BBOX1: variants seen among roughly 807,000 people sequenced by gnomAD.
The protein encoded by BBOX1 is gamma-butyrobetaine hydroxylase 1.
Under a neutral mutation model 41.6 loss-of-function variants are expected in BBOX1, and 35 were observed. The observed-to-expected ratio is 0.84, with a 90% CI of 0.64 to 1.11. The LOEUF (loss-of-function observed/expected upper bound fraction) is 1.11. Among genes scored for constraint, BBOX1 ranks in the 50% most tolerant of loss-of-function variants. BBOX1 has a pLI of 0.00. For missense variants in BBOX1, 458 were observed against 460.6 expected (o/e 0.99, Z 0.05); for synonymous variants, 163 against 154.7 (o/e 1.05, Z -0.40).
chr11:27,055,724 C>T (rs1856960388), intron 3 of BBOX1, 75 bp downstream of exon 3: 1 of 1,392,830 alleles, frequency 7.2e-7, no homozygotes, highest in Non-Finnish European at 9.9e-7. Flanking sequence ...ATTTAGATAA[C>T]TCTTTTTTAT....
chr11:27,054,231 G>GTGTGTGCATGC (rs1162602172), intron 2 of BBOX1, among the ~76,000 whole-genome samples: 1 of 151,434 alleles, frequency 6.6e-6, no homozygotes, highest in Non-Finnish European at 1.5e-5. Flanking sequence ...GTGTGTGTGT[G>GTGTGTGCATGC]TGTGCGTGCA....
At chr11:27,076,354 G>C (rs1857631420) in intron 4 of BBOX1, among the ~76,000 whole-genome samples, 1 of 152,214 alleles carries the variant, frequency 6.6e-6, no homozygotes, top group South Asian at 2.1e-4. Flanking sequence ...GGCTGAAGAA[G>C]TAATGAACTG....
intron 7 of BBOX1, among the ~76,000 whole-genome samples, chr11:27,123,494 G>A (rs1223680840): frequency 6.6e-6 from 1 of 151,996 alleles, no homozygotes; most frequent in African/African-American, 2.4e-5. Flanking sequence ...AAGTTCCAAA[G>A]TCATGACATC....
intron 2 of BBOX1, among the ~76,000 whole-genome samples, chr11:27,053,779 A>G (rs1445316): frequency 0.21 from 31,360 of 152,132 alleles, 4,151 homozygotes; most frequent in African/African-American, 0.38. Flanking sequence ...GTTTGAAAGT[A>G]CACTATAATT....
intron 5 of BBOX1, among the ~76,000 whole-genome samples, chr11:27,100,044 T>C (rs919399928): frequency 6.6e-6 from 1 of 152,166 alleles, no homozygotes; most frequent in South Asian, 2.1e-4. Context: ...AGCTTTCCAG[T>C]ATCCACTAGA....
intron 2 of BBOX1, among the ~76,000 whole-genome samples, chr11:27,043,253 C>T (rs1030554987): frequency 4.6e-5 from 7 of 151,968 alleles, no homozygotes; most frequent in South Asian, 2.1e-4. Flanking sequence ...TTAGTAGAGA[C>T]GGGGTTTCAC....
intron 4 of BBOX1, among the ~76,000 whole-genome samples, chr11:27,080,812 G>A (rs754664989): frequency 3.3e-5 from 5 of 152,122 alleles, no homozygotes; most frequent in Non-Finnish European, 7.4e-5. Flanking sequence ...ATAGGAACAT[G>A]TAAGTTAGAG....
At chr11:27,107,593 T>C (rs1858914995) in intron 5 of BBOX1, among the ~76,000 whole-genome samples, 1 of 151,890 alleles carries the variant, frequency 6.6e-6, no homozygotes, top group Non-Finnish European at 1.5e-5. Flanking sequence ...TCTGCTTGAG[T>C]TGTTGCCTTA....
chr11:27,115,010 T>A (rs760358789), intron 5 of BBOX1, among the ~76,000 whole-genome samples: 3 of 151,848 alleles, frequency 2.0e-5, no homozygotes, highest in Non-Finnish European at 4.4e-5. Flanking sequence ...GAGGTTTTGA[T>A]CTGGAGTAAT....
intron 4 of BBOX1, among the ~76,000 whole-genome samples, chr11:27,086,979 A>C (rs1858067172): frequency 6.6e-6 from 1 of 152,134 alleles, no homozygotes; most frequent in Admixed American, 6.6e-5. Context: ...TAGAGCCTGA[A>C]GATGTAACTA....
chr11:27,047,855 A>G (rs1564950220), intron 2 of BBOX1, among the ~76,000 whole-genome samples: 2 of 152,088 alleles, frequency 1.3e-5, no homozygotes, highest in South Asian at 4.1e-4. Flanking sequence ...CAATAAATGT[A>G]AACTATTATT....
At chr11:27,106,732 G>C (rs1441908480) in intron 5 of BBOX1, among the ~76,000 whole-genome samples, 4 of 137,592 alleles carry the variant, frequency 2.9e-5, no homozygotes, top group African/African-American at 5.5e-5. Flanking sequence ...CTGCACCAAG[G>C]GGACCTAATA....
Position 27,093,275 on chromosome 11 carries a change from G to A in BBOX1, c.442G>A (p.Gly148Ser), listed in dbSNP as rs1858316843. ...YKWLSTLKKV[G>S]IVRLTGASDK... ...GTGGCTCTCCACCCTCAAGAAAGTA[G>A]GCATAGTAAGACTCACCGGAGCATC... The change falls in exon 5 of 9, where the codon GGC becomes AGC. Residue 148 changes from glycine (G) to serine (S), a missense_variant. By Grantham distance (56) the Gly-to-Ser change is moderately conservative. Transcript: ENST00000263182. The A allele has an allele frequency of 1.4e-5, 23 of 1,612,434 alleles. No individual in the cohort carries two copies. Among genetic ancestry groups the A allele is most frequent in the Non-Finnish European group, 1.9e-5 (22 of 1,179,070 alleles).
At chr11:27,059,961 A>G (rs1310138881) in intron 4 of BBOX1, among the ~76,000 whole-genome samples, 1 of 152,180 alleles carries the variant, frequency 6.6e-6, no homozygotes, top group Non-Finnish European at 1.5e-5. Context: ...TAAACTTCAG[A>G]CTTTTGAGTT....
intron 5 of BBOX1, among the ~76,000 whole-genome samples, chr11:27,109,477 T>G (rs1004646780): frequency 2.0e-5 from 3 of 151,978 alleles, no homozygotes; most frequent in Non-Finnish European, 4.4e-5. Flanking sequence ...TTTTCTAGAT[T>G]TGAGATTATG....
chr11:27,106,870 G>A (rs1858891654), intron 5 of BBOX1, among the ~76,000 whole-genome samples: 1 of 152,056 alleles, frequency 6.6e-6, no homozygotes, highest in Admixed American at 6.5e-5. Flanking sequence ...TAAAAGAACA[G>A]AAATTATAAC....
At chr11:27,113,733 A>T (rs1049163798) in intron 5 of BBOX1, among the ~76,000 whole-genome samples, 1 of 151,342 alleles carries the variant, frequency 6.6e-6, no homozygotes, top group Non-Finnish European at 1.5e-5. Flanking sequence ...TGACAAAAAT[A>T]CTCTGTACAT....
At position 27,127,334 on chromosome 11, in the gene BBOX1, C is replaced by G; in HGVS notation, c.1045C>G (p.Arg349Gly). Residue 349 changes from arginine (R) to glycine (G), a missense_variant, in exon 9 of 9, where the codon CGA becomes GGA. Coordinates refer to ENST00000263182, the MANE Select transcript of BBOX1 (RefSeq NM_003986.3). ...TFDNWRLLHG[R>G]RSYEAGTEIS... Reference sequence around the variant, plus strand: ...TGATAACTGGCGCTTACTTCATGGCCGACGTAGCTATGAAGCAGGAACTGA... The same window carrying G: ...TGATAACTGGCGCTTACTTCATGGCGGACGTAGCTATGAAGCAGGAACTGA... 2 of 1,614,004 alleles carry G rather than the reference C, an allele frequency of 1.2e-6. No homozygotes were observed. The highest frequency in any genetic ancestry group is 1.7e-6 in the Non-Finnish European group (2 of 1,179,992).
At chr11:27,091,067 A>G (rs1230005880) in intron 4 of BBOX1, among the ~76,000 whole-genome samples, 2 of 151,982 alleles carry the variant, frequency 1.3e-5, no homozygotes, top group African/African-American at 4.8e-5. Context: ...TAGCAGGATT[A>G]AGAGATTAAA....
Sources: gnomAD v4.1 joint callset for allele counts (sites outside exome capture counted in the v4.1 genomes callset) on GRCh38, gnomAD v4.1.1 for gene constraint, MANE v1.5 for transcripts, NCBI Gene and HGNC (gene_info 2026-07-23, HGNC 2026-07-21) for gene names.